SMIM31: variants seen among roughly 807,000 people sequenced by gnomAD.
The protein encoded by SMIM31 is human epithelial cell program regulator.
Position 164,801,570 on chromosome 4 carries a change from C to T in SMIM31, c.*376C>T, listed in dbSNP as rs1278763988. The T allele has an allele frequency of 6.4e-6, 1 of 156,692 alleles. No homozygotes were observed. The highest frequency in any genetic ancestry group is 1.4e-5 in the Non-Finnish European group (1 of 71,274). 9.7% of individuals were successfully genotyped at this position (156,692 alleles called of 1,614,324 possible). On this transcript the variant is annotated 3_prime_UTR_variant, in exon 3 of 3. Transcript: ENST00000507311. ...TCACTTTTTTTGGTCCTGCGACACA[C>T]ATGATAATTTTTGTCTTAATTCTCC...
At chr4:164,775,710 A>G (rs1732872770) in intron 2 of SMIM31, among the ~76,000 whole-genome samples, 2 of 152,216 alleles carry the variant, frequency 1.3e-5, no homozygotes, top group African/African-American at 2.4e-5. Context: ...AAAAAGTAAT[A>G]TAGTTGCTTA....
chr4:164,770,951 C>T lies in SMIM31; in HGVS notation c.112+396C>T, dbSNP rs114129503. ...AGTTCAGGGCCCACCACATTTCAGA[C>T]GAAATTGATAACTGGGGAAATGATA... On this transcript the variant is annotated intron_variant, in intron 2 of 2. Coordinates refer to ENST00000507311, the MANE Select transcript of SMIM31 (RefSeq NM_001352885.1). 6.3e-3 allele frequency among the ~76,000 whole-genome samples: 962 copies of T among 151,972 alleles called. 11 individuals carry two copies. The highest frequency in any genetic ancestry group is 0.022 in the African/African-American group (923 of 41,404).
chr4:164,782,732 C>A lies in SMIM31; in HGVS notation c.112+12177C>A, dbSNP rs189970826. Among the ~76,000 whole-genome samples the A allele has an allele frequency of 5.9e-3, 897 of 151,868 alleles. 7 individuals are homozygous for A. Among genetic ancestry groups the A allele is most frequent in the African/African-American group, 0.02 (817 of 41,262 alleles). ...ATAACAAAGTTCTGAATTTTCACAT[C>A]AAATAAATTAATATAGAAATGATGA... On this transcript the variant is annotated intron_variant, in intron 2 of 2. Transcript: ENST00000507311.
chr4:164,760,904 G>A (rs960824651), intron 1 of SMIM31, among the ~76,000 whole-genome samples: 2 of 152,080 alleles, frequency 1.3e-5, no homozygotes, highest in African/African-American at 4.8e-5. Context: ...AAGGGGGTGA[G>A]ACAAAGAAGG....
chr4:164,772,843 G>C (rs1732829545), intron 2 of SMIM31, among the ~76,000 whole-genome samples: 3 of 151,724 alleles, frequency 2.0e-5, no homozygotes, highest in African/African-American at 7.2e-5. Context: ...CTCCCAAAGT[G>C]CTGGGATTAC....
chr4:164,768,271 A>C (rs1732747022), intron 1 of SMIM31, among the ~76,000 whole-genome samples: 1 of 151,282 alleles, frequency 6.6e-6, no homozygotes, highest in African/African-American at 2.4e-5. Context: ...AAAGAGAAAG[A>C]AGAGAAAGAA....
chr4:164,758,767 G>A (rs1196035910), intron 1 of SMIM31, among the ~76,000 whole-genome samples: 3 of 139,534 alleles, frequency 2.2e-5, no homozygotes, highest in Non-Finnish European at 4.6e-5. Context: ...CAGCATAGCT[G>A]GGACTACAGG....
intron 2 of SMIM31, among the ~76,000 whole-genome samples, chr4:164,788,795 T>C (rs117725019): frequency 6.6e-6 from 1 of 152,310 alleles, no homozygotes; most frequent in East Asian, 1.9e-4. Flanking sequence ...CCTTTTCTTC[T>C]AATTTTTTAA....
At chr4:164,786,487 G>T (rs932293629) in intron 2 of SMIM31, among the ~76,000 whole-genome samples, 4 of 97,270 alleles carry the variant, frequency 4.1e-5, no homozygotes, top group Non-Finnish European at 8.4e-5. Flanking sequence ...AGGATTTATG[G>T]ATAACAAAAA....
chr4:164,765,710 C>G (rs1233405600), intron 1 of SMIM31, among the ~76,000 whole-genome samples: 3 of 151,448 alleles, frequency 2.0e-5, no homozygotes, highest in Non-Finnish European at 4.4e-5. Context: ...ACTTTTTCCA[C>G]AAGGCCTTTG....
intron 2 of SMIM31, among the ~76,000 whole-genome samples, chr4:164,777,420 G>A (rs754738112): frequency 1.3e-5 from 2 of 152,176 alleles, no homozygotes; most frequent in Admixed American, 6.5e-5. Flanking sequence ...TCACCACTGT[G>A]AAGCTGCAGT....
intron 1 of SMIM31, among the ~76,000 whole-genome samples, chr4:164,757,925 T>G (rs2110915309): frequency 6.6e-6 from 1 of 152,070 alleles, no homozygotes; most frequent in African/African-American, 2.4e-5. Context: ...TAGGATCAGC[T>G]TATCAATTTC....
intron 2 of SMIM31, among the ~76,000 whole-genome samples, chr4:164,780,319 C>T (rs977860463): frequency 1.3e-5 from 2 of 152,004 alleles, no homozygotes; most frequent in South Asian, 4.2e-4. Context: ...CCCAGCTACT[C>T]GGGAGGCTGA....
At chr4:164,762,996 AGAATTCT>A (rs895097501) in intron 1 of SMIM31, among the ~76,000 whole-genome samples, 1 of 152,226 alleles carries the variant, frequency 6.6e-6, no homozygotes, top group Non-Finnish European at 1.5e-5. Flanking sequence ...CAAGCACAAA[AGAATTCT>A]GATTGTTTTG....
intron 2 of SMIM31, among the ~76,000 whole-genome samples, chr4:164,795,802 A>C (rs1279625255): frequency 6.6e-6 from 1 of 152,178 alleles, no homozygotes; most frequent in Non-Finnish European, 1.5e-5. Context: ...ATAACTGTTT[A>C]CTAATTGCTT....
intron 1 of SMIM31, among the ~76,000 whole-genome samples, chr4:164,760,016 A>C (rs1732624154): frequency 6.6e-6 from 1 of 152,154 alleles, no homozygotes; most frequent in Non-Finnish European, 1.5e-5. Context: ...TCTCCAGAGA[A>C]GCGCATTCCA....
chr4:164,764,204 G>A (rs542089084), intron 1 of SMIM31, among the ~76,000 whole-genome samples: 6 of 152,232 alleles, frequency 3.9e-5, no homozygotes, highest in Admixed American at 3.9e-4. Flanking sequence ...TGGAGGCATG[G>A]ATTGCCCTAT....
At chr4:164,799,444 A>ATT (rs35471761) in intron 2 of SMIM31, among the ~76,000 whole-genome samples, 2 of 151,500 alleles carry the variant, frequency 1.3e-5, no homozygotes, top group Non-Finnish European at 2.9e-5. Flanking sequence ...AGTCTGAGGG[A>ATT]TTTTTTTTTA....
At chr4:164,767,747 G>A (rs972643651) in intron 1 of SMIM31, among the ~76,000 whole-genome samples, 3 of 152,200 alleles carry the variant, frequency 2.0e-5, no homozygotes, top group Non-Finnish European at 4.4e-5. Flanking sequence ...AGAGCTCCTG[G>A]TCAAGGGCTC....
Sources: gnomAD v4.1 joint callset for allele counts (sites outside exome capture counted in the v4.1 genomes callset) on GRCh38, gnomAD v4.1.1 for gene constraint, MANE v1.5 for transcripts, NCBI Gene and HGNC (gene_info 2026-07-23, HGNC 2026-07-21) for gene names.